The following TBC1D5 variants were observed in gnomAD, a reference collection of about 807,000 sequenced individuals.
TBC1D5 encodes TBC1 domain family member 5.
A neutral mutation model predicts 100.3 loss-of-function variants in TBC1D5; 75 were observed. That is an observed-to-expected ratio of 0.75 (90% CI 0.62 to 0.91). The LOEUF (loss-of-function observed/expected upper bound fraction) is 0.91, where lower values mean the gene tolerates loss of function less well. Ranked by LOEUF, TBC1D5 falls within the 40% of genes least tolerant of loss-of-function variation. The probability of loss-of-function intolerance (pLI) is 0.00; values close to 1 mark genes in which losing one functional copy is unlikely to be tolerated. For synonymous variants in TBC1D5, 323 were observed against 325.6 expected (o/e 0.99, Z 0.09); for missense variants, 910 against 942.4 (o/e 0.97, Z 0.45).
At chr3:17,704,410 C>G (rs546874057) in intron 1 of TBC1D5, among the ~76,000 whole-genome samples, 3 of 151,406 alleles carry the variant, frequency 2.0e-5, no homozygotes, top group Admixed American at 2.0e-4. Flanking sequence ...CATTGTCATC[C>G]TGGCCCGTTC....
At position 17,540,292 on chromosome 3, in the gene TBC1D5, C is replaced by T. The variant is rs981317316; in HGVS notation, c.-35-31687G>A. Among the ~76,000 whole-genome samples the T allele has an allele frequency of 4.6e-5, 7 of 151,992 alleles. No homozygotes were observed. The East Asian group carries it at 5.8e-4, about 13-fold the overall frequency. On this transcript the variant is annotated intron_variant, in intron 2 of 21. Coordinates refer to ENST00000253692, the Ensembl canonical transcript of TBC1D5. Reference sequence around the variant, plus strand: ...CTCCATTCTGTGGTTGTCTTTTCACCCTATTTATTGACAGTGTCTTTTGAT... The same window carrying T: ...CTCCATTCTGTGGTTGTCTTTTCACTCTATTTATTGACAGTGTCTTTTGAT...
At chr3:17,366,671 T>C (rs139292509) in intron 13 of TBC1D5, among the ~76,000 whole-genome samples, 77 of 152,262 alleles carry the variant, frequency 5.1e-4, no homozygotes, top group Middle Eastern at 3.4e-3. Context: ...TGTTGAGAGA[T>C]ATAATCTTTT....
At chr3:17,283,630 C>G (rs760407619) in intron 15 of TBC1D5, among the ~76,000 whole-genome samples, 35 of 152,090 alleles carry the variant, frequency 2.3e-4, no homozygotes, top group Non-Finnish European at 1.5e-4. Context: ...TCATTTAAGA[C>G]TACTTGGAAC....
intron 8 of TBC1D5, among the ~76,000 whole-genome samples, chr3:17,386,106 C>A (rs2152271114): frequency 6.6e-6 from 1 of 152,166 alleles, no homozygotes; most frequent in South Asian, 2.1e-4. Context: ...TCTTGGGAAA[C>A]TTAGCCATTA....
chr3:17,401,939 C>T (rs1459351705), intron 8 of TBC1D5, among the ~76,000 whole-genome samples: 2 of 152,070 alleles, frequency 1.3e-5, no homozygotes, highest in African/African-American at 4.8e-5. Context: ...CAATGGTGCT[C>T]TACTTTCTGC....
intron 2 of TBC1D5, among the ~76,000 whole-genome samples, chr3:17,602,562 T>C (rs914057927): frequency 5.5e-5 from 3 of 54,520 alleles, no homozygotes; most frequent in Admixed American, 5.3e-4. Flanking sequence ...GAGAATCAGA[T>C]TTTTTTTTTT....
rs150593791 is a variant in TBC1D5 at position 17,176,798 on chromosome 3, G to A, written c.1852+8311C>T. On this transcript the variant is annotated intron_variant, in intron 19 of 21. Coordinates refer to ENST00000253692, the Ensembl canonical transcript of TBC1D5. ...CATGCACCCCAGAACTTAAAAGTAT[G>A]ATTGAAAAAAAAAAAAAGAAAAGAA... 2.1e-3 allele frequency among the ~76,000 whole-genome samples: 306 copies of A among 147,964 alleles called. 3 individuals are homozygous for A. In the South Asian group the frequency reaches 0.027, roughly 13 times the overall value.
At chr3:17,714,433 T>C (rs2075048413) in intron 1 of TBC1D5, among the ~76,000 whole-genome samples, 1 of 152,194 alleles carries the variant, frequency 6.6e-6, no homozygotes, top group East Asian at 1.9e-4. Context: ...AGCTTCCACC[T>C]TGGACTGCTT....
At chr3:17,379,818 T>C (rs114845881) in intron 9 of TBC1D5, among the ~76,000 whole-genome samples, 5,254 of 152,080 alleles carry the variant, frequency 0.035, 125 homozygotes, top group Non-Finnish European at 0.049. Flanking sequence ...TAACAACAAT[T>C]AATAAGAATA....
intron 15 of TBC1D5, among the ~76,000 whole-genome samples, chr3:17,278,953 A>G (rs2080300405): frequency 6.6e-6 from 1 of 152,248 alleles, no homozygotes; most frequent in Non-Finnish European, 1.5e-5. Context: ...TAAGTGACAC[A>G]CTTAAATTAT....
intron 3 of TBC1D5, among the ~76,000 whole-genome samples, chr3:17,503,039 T>C (rs1016574615): frequency 6.7e-6 from 1 of 149,652 alleles, no homozygotes; most frequent in Non-Finnish European, 1.5e-5. Context: ...CACTGTAGTT[T>C]ATTCACCCTA....
chr3:17,702,482 T>C (rs2073349578), intron 1 of TBC1D5: 1 of 152,052 alleles, frequency 6.6e-6, no homozygotes, highest in Non-Finnish European at 1.5e-5. Context: ...TAAAAGAACA[T>C]AGTGAACGGC....
chr3:17,371,869 C>G (rs1035361570), intron 13 of TBC1D5, among the ~76,000 whole-genome samples: 1 of 152,052 alleles, frequency 6.6e-6, no homozygotes, highest in African/African-American at 2.4e-5. Context: ...GAAACCCTGT[C>G]TACCAAAACT....
At chr3:17,455,165 TACACACACAC>T (rs549322724) in intron 3 of TBC1D5, among the ~76,000 whole-genome samples, 1 of 140,816 alleles carries the variant, frequency 7.1e-6, no homozygotes, top group Non-Finnish European at 1.5e-5. Context: ...AAAAAAAGTA[TACACACACAC>T]ACACACACGT....
chr3:17,542,075 C>A (rs190928611), intron 2 of TBC1D5, among the ~76,000 whole-genome samples: 63 of 152,230 alleles, frequency 4.1e-4, no homozygotes, highest in Non-Finnish European at 7.6e-4. Flanking sequence ...ACTGCTTGAG[C>A]CCAGGAGTTC....
At chr3:17,255,565 TTAC>T (rs1379066558) in intron 16 of TBC1D5, among the ~76,000 whole-genome samples, 1 of 152,172 alleles carries the variant, frequency 6.6e-6, no homozygotes, top group Non-Finnish European at 1.5e-5. Context: ...ATTTTGCCAG[TTAC>T]ATCCACTACA....
chr3:17,212,377 C>T (rs894176889), intron 18 of TBC1D5, among the ~76,000 whole-genome samples: 1 of 151,810 alleles, frequency 6.6e-6, no homozygotes, highest in African/African-American at 2.4e-5. Flanking sequence ...TGCGGCCAGT[C>T]ATATGTAAGT....
intron 15 of TBC1D5, among the ~76,000 whole-genome samples, chr3:17,264,554 T>C (rs1050484973): frequency 6.6e-6 from 1 of 152,168 alleles, no homozygotes; most frequent in Non-Finnish European, 1.5e-5. Context: ...AAGTTATACG[T>C]TGAAAACAAA....
At chr3:17,653,889 A>G (rs1486177497) in intron 1 of TBC1D5, among the ~76,000 whole-genome samples, 1 of 152,140 alleles carries the variant, frequency 6.6e-6, no homozygotes, top group East Asian at 1.9e-4. Context: ...TTCCTCCATG[A>G]ACATATATAT....
Sources: gnomAD v4.1 joint callset for allele counts (sites outside exome capture counted in the v4.1 genomes callset) on GRCh38, gnomAD v4.1.1 for gene constraint, MANE v1.5 for transcripts, NCBI Gene and HGNC (gene_info 2026-07-23, HGNC 2026-07-21) for gene names.